Variants in CDH8 observed in about 807,000 individuals in gnomAD.
The protein encoded by CDH8 is cadherin-8.
In CDH8, 17 loss-of-function variants were observed where a neutral mutation model predicts 68.1. The ratio of observed to expected loss-of-function variants is 0.25; its 90% CI spans 0.17 to 0.37. The LOEUF (loss-of-function observed/expected upper bound fraction) is 0.37. Ranked by LOEUF, CDH8 falls within the 10% of genes least tolerant of loss-of-function variation. The pLI is 1.00. For missense variants in CDH8, 763 were observed against 999.3 expected (o/e 0.76, Z 3.19); for synonymous variants, 372 against 365.1 (o/e 1.02, Z -0.21).
At chr16:61,782,989 A>G (rs1961123961) in intron 8 of CDH8, among the ~76,000 whole-genome samples, 1 of 151,212 alleles carries the variant, frequency 6.6e-6, no homozygotes, top group African/African-American at 2.4e-5. Context: ...GATGGGGAAA[A>G]AACAGAACAG....
intron 2 of CDH8, among the ~76,000 whole-genome samples, chr16:61,909,910 T>C (rs1475218509): frequency 6.6e-6 from 1 of 152,192 alleles, no homozygotes; most frequent in Non-Finnish European, 1.5e-5. Flanking sequence ...CCCAAGCCAG[T>C]GTTCATGGCC....
At chr16:61,995,406 C>A (rs905300572) in intron 2 of CDH8, among the ~76,000 whole-genome samples, 7 of 151,994 alleles carry the variant, frequency 4.6e-5, no homozygotes, top group Admixed American at 2.6e-4. Context: ...GAGATGGAGT[C>A]TCATTCTGTC....
At chr16:61,849,550 T>C (rs1270917159) in intron 4 of CDH8, among the ~76,000 whole-genome samples, 1 of 152,102 alleles carries the variant, frequency 6.6e-6, no homozygotes, top group Non-Finnish European at 1.5e-5. Context: ...TGAGAGGACA[T>C]AATTTGGAGG....
intron 2 of CDH8, among the ~76,000 whole-genome samples, chr16:61,958,213 T>C (rs1447539423): frequency 6.6e-6 from 1 of 152,170 alleles, no homozygotes; most frequent in African/African-American, 2.4e-5. Context: ...CTGAGGCTGA[T>C]GATAGCCTAG....
At chr16:61,801,607 G>A (rs1292641157) in intron 7 of CDH8, among the ~76,000 whole-genome samples, 8 of 152,136 alleles carry the variant, frequency 5.3e-5, no homozygotes, top group South Asian at 2.1e-4. Context: ...CAGTGGGTGC[G>A]TGCACCATGC....
intron 7 of CDH8, among the ~76,000 whole-genome samples, chr16:61,814,458 G>T (rs1440156989): frequency 6.6e-6 from 1 of 152,116 alleles, no homozygotes; most frequent in African/African-American, 2.4e-5. Flanking sequence ...GTAGGTATAA[G>T]AAGTCAAAAA....
At chr16:61,654,933 A>G (rs527274876) in intron 11 of CDH8, among the ~76,000 whole-genome samples, 1 of 152,360 alleles carries the variant, frequency 6.6e-6, no homozygotes, top group African/African-American at 2.4e-5. Flanking sequence ...ATAGAATCTT[A>G]ATTTGCAATC....
In CDH8 at chr16:61,740,152, C is replaced by T. The variant is rs923520521; in HGVS notation, c.1415-12937G>A. On this transcript the variant is annotated intron_variant, in intron 8 of 11. Transcript: ENST00000577390. ...CGATCTCCTGACCTCGTGGTCTGCC[C>T]GCCTTGGCCTCCCAAAGTGCTGGGA... is the stretch of plus-strand genomic sequence containing the variant. 1.2e-3 allele frequency among the ~76,000 whole-genome samples: 184 copies of T among 151,752 alleles called. 1 individual carries two copies. The highest frequency in any genetic ancestry group is 4.2e-3 in the African/African-American group (173 of 41,414).
intron 2 of CDH8, among the ~76,000 whole-genome samples, chr16:61,960,182 T>TATGTGTGTGTATACACATACATATATAC (rs1965097426): frequency 7.8e-6 from 1 of 128,878 alleles, no homozygotes; most frequent in Non-Finnish European, 1.7e-5. Context: ...CATATATACA[T>TATGTGTGTGTATACACATACATATATAC]ATGTGTGTGT....
chr16:61,803,203 A>G (rs1343769727), intron 7 of CDH8, among the ~76,000 whole-genome samples: 16 of 108,576 alleles, frequency 1.5e-4, no homozygotes, highest in East Asian at 8.9e-4. Flanking sequence ...AGAATTTCAT[A>G]TCCAGCCAAA....
intron 4 of CDH8, among the ~76,000 whole-genome samples, chr16:61,838,997 T>C (rs1398553876): frequency 6.6e-6 from 1 of 152,104 alleles, no homozygotes; most frequent in Non-Finnish European, 1.5e-5. Flanking sequence ...TACAGCATAA[T>C]AAGTGACTTA....
At chr16:61,938,925 C>G (rs1187967832) in intron 2 of CDH8, among the ~76,000 whole-genome samples, 1 of 152,050 alleles carries the variant, frequency 6.6e-6, no homozygotes, top group East Asian at 1.9e-4. Flanking sequence ...ACTGTGCCAG[C>G]TATTTAGTAA....
intron 4 of CDH8, among the ~76,000 whole-genome samples, chr16:61,854,529 C>T (rs1208404295): frequency 6.6e-6 from 1 of 152,034 alleles, no homozygotes; most frequent in Non-Finnish European, 1.5e-5. Context: ...CGGCTACATA[C>T]CCCTTTTATT....
intron 2 of CDH8, among the ~76,000 whole-genome samples, chr16:61,969,671 C>T (rs938935404): frequency 2.6e-5 from 4 of 152,126 alleles, no homozygotes; most frequent in African/African-American, 9.7e-5. Flanking sequence ...TACTGGACAA[C>T]CGGTGGAATA....
chr16:61,849,210 T>G (rs1429056883), intron 4 of CDH8, among the ~76,000 whole-genome samples: 1 of 151,966 alleles, frequency 6.6e-6, no homozygotes, highest in African/African-American at 2.4e-5. Flanking sequence ...TCCTTCTCTT[T>G]AGTTGCTGAG....
rs1961327593 is a variant in CDH8, at chr16:61,789,498, A to ATC, written c.1278-18_1278-17dup. ...GATGGAAAACCTACAAAACAGACAC[A>ATC]TCTGTAATCTACTTCAATGTTTATA... On this transcript the variant is annotated splice_polypyrimidine_tract_variant and intron_variant, in intron 7 of 11. Transcript: ENST00000577390. 1.2e-6 allele frequency: 2 copies of ATC among 1,610,506 alleles called. No individual in the cohort carries two copies. Among genetic ancestry groups the ATC allele is most frequent in the African/African-American group, 2.7e-5 (2 of 74,718 alleles).
intron 8 of CDH8, among the ~76,000 whole-genome samples, chr16:61,768,429 C>CTCTCTCTCTCT (rs1555508728): frequency 4.3e-5 from 3 of 69,264 alleles, no homozygotes; most frequent in Admixed American, 3.0e-4. Context: ...TCTCTCTCTC[C>CTCTCTCTCTCT]CTCTCCCTCT....
At chr16:62,030,648 A>G in intron 1 of CDH8, among the ~76,000 whole-genome samples, 1 of 152,024 alleles carries the variant, frequency 6.6e-6, no homozygotes. Flanking sequence ...TAATCTATCT[A>G]GAGAGAAAAA....
intron 2 of CDH8, among the ~76,000 whole-genome samples, chr16:61,915,078 C>T (rs1176190724): frequency 6.6e-6 from 1 of 152,026 alleles, no homozygotes; most frequent in Admixed American, 6.6e-5. Flanking sequence ...TTGGGTAAAC[C>T]TTGTATCCTT....
Sources: gnomAD v4.1 joint callset for allele counts (sites outside exome capture counted in the v4.1 genomes callset) on GRCh38, gnomAD v4.1.1 for gene constraint, MANE v1.5 for transcripts, NCBI Gene and HGNC (gene_info 2026-07-23, HGNC 2026-07-21) for gene names.